IHO1: variants seen among roughly 807,000 people sequenced by gnomAD.
IHO1 encodes the protein interactor of HORMAD1 1, also known as interactor of HORMAD1 protein 1.
IHO1 carries 13 observed loss-of-function variants against 31.0 expected under a neutral mutation model. That is an observed-to-expected ratio of 0.42 (90% CI 0.27 to 0.67). IHO1 has a LOEUF of 0.67. IHO1 is among the 30% of genes least tolerant of loss of function. The pLI, the probability that IHO1 is intolerant of heterozygous loss-of-function variation, is 0.24. For synonymous variants in IHO1, 221 were observed against 248.4 expected (o/e 0.89, Z 1.04); for missense variants, 599 against 687.5 (o/e 0.87, Z 1.44).
At chr3:49,209,132 A>G (rs2046176202) in intron 1 of IHO1, among the ~76,000 whole-genome samples, 1 of 152,230 alleles carries the variant, frequency 6.6e-6, no homozygotes, top group Non-Finnish European at 1.5e-5. Flanking sequence ...ATGTTACTTC[A>G]TCTTCTACCA....
At chr3:49,219,800 A>G (rs570609811) in intron 2 of IHO1, among the ~76,000 whole-genome samples, 21 of 152,194 alleles carry the variant, frequency 1.4e-4, no homozygotes, top group Admixed American at 3.9e-4. Flanking sequence ...CAGGGTAACA[A>G]TGGGACAAGT....
intron 2 of IHO1, among the ~76,000 whole-genome samples, chr3:49,220,167 A>G (rs1406056846): frequency 6.6e-6 from 1 of 152,230 alleles, no homozygotes; most frequent in Non-Finnish European, 1.5e-5. Flanking sequence ...GATACACCCC[A>G]CAGATCAACA....
At chr3:49,255,861 T>G (rs2046815957) in intron 7 of IHO1, among the ~76,000 whole-genome samples, 1 of 151,784 alleles carries the variant, frequency 6.6e-6, no homozygotes, top group Admixed American at 6.6e-5. Flanking sequence ...CGAGAAACCT[T>G]TAAAGTTGCA....
chr3:49,257,157 G>A lies in IHO1; in HGVS notation c.1660G>A (p.Asp554Asn). 2 of 1,614,178 alleles carry A rather than the reference G, an allele frequency of 1.2e-6. No homozygotes were observed. The highest frequency in any genetic ancestry group is 1.7e-6 in the Non-Finnish European group (2 of 1,180,038). ...GCTACTTTCCAGCAGTTCCCAGGGG[G>A]ACCACCAGATGAGCTGGTTCAGTGA... ...NWLLSSSSQGDHQMSWFSDLN... is the reference protein window; with the variant it reads ...NWLLSSSSQGNHQMSWFSDLN... The change falls in exon 8 of 8, where the codon GAC (aspartate) becomes AAC (asparagine). Residue 554 changes from aspartate to asparagine, a missense_variant. Transcript: ENST00000452691.
At position 49,257,012 on chromosome 3, in the gene IHO1, C is replaced by T. The variant is rs200517121; in HGVS notation, c.1515C>T (p.Pro505=). The change falls in exon 8 of 8, where the codon CCC becomes CCT. Residue 505 remains proline (P), a synonymous_variant. Coordinates refer to ENST00000452691, the MANE Select transcript of IHO1 (RefSeq NM_001135197.2). The part of the protein sequence containing the change: ...PRAQPLHLQC[P]RSPRKPVCPI... ...CTCAGCCTCTGCATCTGCAGTGTCC[C>T]AGGAGCCCCAGAAAACCAGTCTGCC... is the stretch of plus-strand genomic sequence containing the variant. 1.9e-6 allele frequency: 3 copies of T among 1,614,198 alleles called. No individual in the cohort carries two copies. The highest frequency in any genetic ancestry group is 2.5e-6 in the Non-Finnish European group (3 of 1,180,026).
chr3:49,209,754 G>A (rs894108115), intron 1 of IHO1, among the ~76,000 whole-genome samples: 5 of 150,416 alleles, frequency 3.3e-5, no homozygotes, highest in Non-Finnish European at 7.4e-5. Flanking sequence ...TTGCACTGTC[G>A]CCCAGGCTGG....
the IHO1 span, chr3:49,191,991 A>G: frequency 5.0e-6 from 3 of 595,374 alleles, no homozygotes; most frequent in Non-Finnish European, 9.0e-6. Context: ...GCCCCTTGGC[A>G]TTAACAGCCT....
At chr3:49,255,701 C>T (rs1270284958) in intron 7 of IHO1, among the ~76,000 whole-genome samples, 1 of 151,820 alleles carries the variant, frequency 6.6e-6, no homozygotes, top group Non-Finnish European at 1.5e-5. Context: ...CAGGTGTGCA[C>T]CACCACGCCC....
rs1411240850 is a variant in IHO1 at position 49,256,889 on chromosome 3, C to T, written c.1392C>T (p.Ile464=). 6.2e-7 allele frequency: 1 copy of T among 1,614,230 alleles called. No homozygotes were observed. Among genetic ancestry groups the T allele is most frequent in the Non-Finnish European group, 8.5e-7 (1 of 1,180,046 alleles). The change falls in exon 8 of 8, where the codon ATC becomes ATT. Residue 464 remains isoleucine, a synonymous_variant. Transcript: ENST00000452691. This position sits in a 1 kb window ranked among gnomAD's most constrained non-coding sequence, Gnocchi z 4.6. ...GRLIASKQKQ[I]PIQTCKFNSK... Reference sequence around the variant, plus strand: ...TCATAGCCAGCAAGCAAAAACAAATCCCAATCCAGACCTGTAAATTCAATT... The same window carrying T: ...TCATAGCCAGCAAGCAAAAACAAATTCCAATCCAGACCTGTAAATTCAATT...
intron 1 of IHO1, among the ~76,000 whole-genome samples, chr3:49,202,038 C>G (rs944521760): frequency 6.6e-6 from 1 of 152,116 alleles, no homozygotes; most frequent in South Asian, 2.1e-4. Context: ...GTTTTCAGAG[C>G]TCCTATTATG....
Position 49,257,078 on chromosome 3 carries a change from G to A in IHO1, c.1581G>A (p.Arg527=), listed in dbSNP as rs2046835563. 1 of 1,614,054 alleles carries A rather than the reference G, an allele frequency of 6.2e-7. No homozygotes were observed. The highest frequency in any genetic ancestry group is 8.5e-7 in the Non-Finnish European group (1 of 1,180,054). ...CAGTCATGCCCAATAAGACAGTAAG[G>A]GCAGTGCAGGGAAGACTCTTGCAGC... ...GGTVMPNKTV[R]AVQGRLLQLS... The change falls in exon 8 of 8, where the codon AGG becomes AGA. Residue 527 remains arginine (R), a synonymous_variant. Transcript: ENST00000452691.
At chr3:49,237,628 C>CT (rs1313496566) in intron 3 of IHO1, among the ~76,000 whole-genome samples, 4 of 151,458 alleles carry the variant, frequency 2.6e-5, no homozygotes, top group African/African-American at 9.7e-5. Flanking sequence ...TTGCCTAAGG[C>CT]TAGTCATACT....
intron 1 of IHO1, 163 bp downstream of exon 1, chr3:49,199,736 TG>T (rs34006532): frequency 0.099 from 15,144 of 152,514 alleles, 831 homozygotes; most frequent in Middle Eastern, 0.11. Flanking sequence ...TCTTTCCCTA[TG>T]GCGATGGCCG....
At chr3:49,249,224 G>A (rs144158759) in intron 6 of IHO1, among the ~76,000 whole-genome samples, 1 of 152,088 alleles carries the variant, frequency 6.6e-6, no homozygotes, top group East Asian at 1.9e-4. Context: ...TACCTCATAT[G>A]TTAAGTCTGG....
chr3:49,211,838 TA>T lies in IHO1; in HGVS notation c.56+4del. The T allele has an allele frequency of 6.4e-7, 1 of 1,553,202 alleles. No homozygotes were observed. Among genetic ancestry groups the T allele is most frequent in the Non-Finnish European group, 8.9e-7 (1 of 1,124,960 alleles). On this transcript the variant is annotated splice_donor_region_variant and intron_variant, in intron 2 of 7. Coordinates refer to ENST00000452691, the MANE Select transcript of IHO1 (RefSeq NM_001135197.2). ...GCTCAGTATTCCTTCAGGCTCTGGGTAAGTTTTCTGGTTATATTGTCTGATC... is the reference window on the plus strand; with the variant it reads ...GCTCAGTATTCCTTCAGGCTCTGGGTAGTTTTCTGGTTATATTGTCTGATC...
intron 2 of IHO1, among the ~76,000 whole-genome samples, chr3:49,213,608 C>T (rs1394742442): frequency 6.6e-6 from 1 of 152,210 alleles, no homozygotes; most frequent in Non-Finnish European, 1.5e-5. Context: ...GTCAGGGAGG[C>T]TGGGGCCACG....
upstream of IHO1, chr3:49,198,880 T>A (rs2046019504): frequency 1.3e-5 from 2 of 152,954 alleles, no homozygotes; most frequent in Non-Finnish European, 2.9e-5. Context: ...CTCCTTTCTC[T>A]TTCCTCCAGG....
chr3:49,253,790 T>C (rs1408647474), intron 6 of IHO1, among the ~76,000 whole-genome samples: 3 of 152,048 alleles, frequency 2.0e-5, no homozygotes, highest in African/African-American at 7.2e-5. Flanking sequence ...TACCTCCTGT[T>C]TTCCCTAAGA....
rs1381996313 is a variant in IHO1 at position 49,255,457 on chromosome 3, G to A, written c.600G>A (p.Glu200=). ...FEAVQDKGNM[E]QAILEMKKRF... ...CAGTCCAGGACAAAGGCAACATGGA[G>A]CAGGCCATCCTTGAGATGAAGAAAA... is the stretch of plus-strand genomic sequence containing the variant. Residue 200 remains glutamate, a synonymous_variant, in exon 7 of 8, where the codon GAG becomes GAA. Coordinates refer to ENST00000452691, the MANE Select transcript of IHO1 (RefSeq NM_001135197.2). 1 of 1,605,786 alleles carries A rather than the reference G, an allele frequency of 6.2e-7. No homozygotes were observed. Among genetic ancestry groups the A allele is most frequent in the Non-Finnish European group, 8.5e-7 (1 of 1,177,786 alleles).
Sources: allele counts gnomAD v4.1 joint callset (sites outside exome capture counted in the v4.1 genomes callset), GRCh38; gene constraint gnomAD v4.1.1; non-coding constraint Gnocchi (gnomAD v3.1); transcripts MANE v1.5; gene names NCBI Gene and HGNC (gene_info 2026-07-23, HGNC 2026-07-21).